Variants in ALK observed in about 807,000 individuals in gnomAD.
ALK encodes the protein ALK tyrosine kinase receptor.
Under a neutral mutation model 163.1 loss-of-function variants are expected in ALK, and 74 were observed. That is an observed-to-expected ratio of 0.45 (90% CI 0.38 to 0.55). ALK has a LOEUF of 0.55. Ranked by LOEUF, ALK falls within the 20% of genes least tolerant of loss-of-function variation. The probability of loss-of-function intolerance (pLI) is 0.00; values close to 1 mark genes in which losing one functional copy is unlikely to be tolerated. For missense variants in ALK, 2,063 were observed against 2,105.3 expected (o/e 0.98, Z 0.39); for synonymous variants, 960 against 843.2 (o/e 1.14, Z -2.40).
chr2:29,465,521 C>G (rs925635916), intron 4 of ALK, among the ~76,000 whole-genome samples: 1 of 152,042 alleles, frequency 6.6e-6, no homozygotes, highest in Admixed American at 6.6e-5. Flanking sequence ...TGGTGAAACT[C>G]TGTCTCTACT....
intron 3 of ALK, among the ~76,000 whole-genome samples, chr2:29,549,320 G>A (rs1198897104): frequency 1.3e-5 from 2 of 152,192 alleles, no homozygotes; most frequent in African/African-American, 4.8e-5. Flanking sequence ...AAATCACATT[G>A]GCCTGATTCT....
chr2:29,736,164 T>C (rs1679887003), intron 1 of ALK, among the ~76,000 whole-genome samples: 1 of 152,080 alleles, frequency 6.6e-6, no homozygotes, highest in African/African-American at 2.4e-5. Flanking sequence ...GAGATAATGT[T>C]TTCAAAGGGT....
At chr2:29,486,102 C>CTT (rs1671770620) in intron 4 of ALK, among the ~76,000 whole-genome samples, 1 of 151,588 alleles carries the variant, frequency 6.6e-6, no homozygotes, top group Non-Finnish European at 1.5e-5. Context: ...AACACGGTGT[C>CTT]TATTGTTCAG....
At chr2:29,261,673 G>C (rs969314158) in intron 11 of ALK, among the ~76,000 whole-genome samples, 3 of 152,110 alleles carry the variant, frequency 2.0e-5, no homozygotes, top group African/African-American at 7.2e-5. Flanking sequence ...ACCTTTTCTT[G>C]ATAGTGCTTC....
chr2:29,785,912 TACACACACACACACACACACAC>T (rs10524599), intron 1 of ALK, among the ~76,000 whole-genome samples: 2 of 146,620 alleles, frequency 1.4e-5, no homozygotes, highest in Non-Finnish European at 3.0e-5. Flanking sequence ...TTTTTGAGTA[TACACACACACACACACACACAC>T]ACACACACAC....
chr2:29,812,629 T>C (rs1664786329), intron 1 of ALK, among the ~76,000 whole-genome samples: 2 of 152,216 alleles, frequency 1.3e-5, no homozygotes, highest in South Asian at 4.1e-4. Context: ...CATGTGAGTG[T>C]ACTGGTATAA....
chr2:29,849,564 C>T lies in ALK; in HGVS notation c.667+70429G>A, dbSNP rs557897396. Among the ~76,000 whole-genome samples, 418 of 152,344 alleles carry T rather than the reference C, an allele frequency of 2.7e-3. 3 individuals carry two copies. Among genetic ancestry groups the T allele is most frequent in the African/African-American group, 9.6e-3 (401 of 41,572 alleles). ...GCCTACGTGGCACCTCATAGATTAACAGGAAACACAGACACTTTATTATAT... is the reference window on the plus strand; with the variant it reads ...GCCTACGTGGCACCTCATAGATTAATAGGAAACACAGACACTTTATTATAT... On this transcript the variant is annotated intron_variant, in intron 1 of 28. Transcript: ENST00000389048.
intron 1 of ALK, among the ~76,000 whole-genome samples, chr2:29,740,475 T>C (rs964167269): frequency 6.6e-6 from 1 of 151,078 alleles, no homozygotes; most frequent in African/African-American, 2.5e-5. Context: ...TGGTTATTTG[T>C]CCTTTTGTTC....
At chr2:29,725,057 C>G (rs1260214467) in intron 1 of ALK, among the ~76,000 whole-genome samples, 1 of 150,204 alleles carries the variant, frequency 6.7e-6, no homozygotes. Context: ...AAGCATGTAC[C>G]CCTTCCCAAG....
intron 3 of ALK, among the ~76,000 whole-genome samples, chr2:29,654,011 T>C (rs1677107854): frequency 6.6e-6 from 1 of 152,250 alleles, no homozygotes; most frequent in East Asian, 1.9e-4. Flanking sequence ...TGAGCTGAGA[T>C]GGCACCACTG....
chr2:29,484,281 T>C (rs540296905), intron 4 of ALK, among the ~76,000 whole-genome samples: 3 of 152,266 alleles, frequency 2.0e-5, no homozygotes, highest in Admixed American at 1.3e-4. Context: ...TGTTGATCCA[T>C]TCTTGCATTC....
chr2:29,476,803 A>G (rs752320178), intron 4 of ALK, among the ~76,000 whole-genome samples: 7 of 152,212 alleles, frequency 4.6e-5, no homozygotes, highest in Non-Finnish European at 8.8e-5. Context: ...GTTCGATTCC[A>G]TCCTGGAGCA....
chr2:29,524,855 A>T lies in ALK; in HGVS notation c.1154+7060T>A, dbSNP rs190840082. On this transcript the variant is annotated intron_variant, in intron 4 of 28. Coordinates refer to ENST00000389048, the MANE Select transcript of ALK (RefSeq NM_004304.5). Reference sequence around the variant, plus strand: ...GGATGGATGGTAGATGGATGAGTGGATGGATGGATGGATGGATGAACGGAT... The same window carrying T: ...GGATGGATGGTAGATGGATGAGTGGTTGGATGGATGGATGGATGAACGGAT... Among the ~76,000 whole-genome samples the T allele has an allele frequency of 2.5e-4, 38 of 151,452 alleles. No individual in the cohort carries two copies. In the East Asian group the frequency reaches 5.2e-3, roughly 21 times the overall value.
intron 1 of ALK, among the ~76,000 whole-genome samples, chr2:29,767,414 T>A (rs1248689019): frequency 6.6e-6 from 1 of 152,162 alleles, no homozygotes; most frequent in Non-Finnish European, 1.5e-5. Flanking sequence ...ACCGTTGTGA[T>A]TTTAAAAATG....
At chr2:29,302,142 A>G (rs1409323216) in intron 8 of ALK, among the ~76,000 whole-genome samples, 1 of 152,248 alleles carries the variant, frequency 6.6e-6, no homozygotes, top group East Asian at 1.9e-4. Context: ...GGCAAGACAC[A>G]TGACATCACA....
At chr2:29,327,862 G>A (rs1003247997) in intron 6 of ALK, among the ~76,000 whole-genome samples, 1 of 152,200 alleles carries the variant, frequency 6.6e-6, no homozygotes, top group Non-Finnish European at 1.5e-5. Flanking sequence ...GACTCAGGGC[G>A]AGTCTTGAAG....
intron 1 of ALK, among the ~76,000 whole-genome samples, chr2:29,837,504 G>C (rs80234313): frequency 6.6e-6 from 1 of 152,140 alleles, no homozygotes; most frequent in Non-Finnish European, 1.5e-5. Context: ...AAAGATAATT[G>C]CTCCCATAAC....
chr2:29,787,450 A>G (rs778044951), intron 1 of ALK, among the ~76,000 whole-genome samples: 4 of 152,248 alleles, frequency 2.6e-5, no homozygotes, highest in Non-Finnish European at 4.4e-5. Context: ...CTGGCACCAA[A>G]GCACTTACTG....
At chr2:29,463,930 T>C (rs565476591) in intron 4 of ALK, among the ~76,000 whole-genome samples, 1 of 152,328 alleles carries the variant, frequency 6.6e-6, no homozygotes, top group Admixed American at 6.5e-5. Flanking sequence ...TCATGGGTCA[T>C]TCAGTAGAGC....
Sources: gnomAD v4.1 joint callset for allele counts (sites outside exome capture counted in the v4.1 genomes callset) on GRCh38, gnomAD v4.1.1 for gene constraint, MANE v1.5 for transcripts, NCBI Gene and HGNC (gene_info 2026-07-23, HGNC 2026-07-21) for gene names.